Variants in SLA2 observed in about 807,000 individuals in gnomAD.
The protein encoded by SLA2 is Src like adaptor 2.
SLA2 carries 22 observed loss-of-function variants against 27.3 expected under a neutral mutation model. The ratio of observed to expected loss-of-function variants is 0.81; its 90% confidence interval spans 0.58 to 1.15. SLA2 has a LOEUF of 1.15. Ranked by LOEUF, SLA2 falls within the 50% of genes most tolerant of loss-of-function variation. SLA2 has a pLI of 0.00. For synonymous variants in SLA2, 131 were observed against 137.8 expected, an observed-to-expected ratio of 0.95 and a Z score of 0.34; for missense variants, 304 against 322.2, an observed-to-expected ratio of 0.94 and a Z score of 0.43.
At position 36,615,215 on chromosome 20, in the gene SLA2, A is replaced by G; in HGVS notation, c.532+10T>C. The G allele has an allele frequency of 6.2e-7, 1 of 1,614,084 alleles. No homozygotes were observed. The highest frequency in any genetic ancestry group is 8.5e-7 in the Non-Finnish European group (1 of 1,180,018). On this transcript the variant is annotated intron_variant, in intron 6 of 7. Coordinates refer to ENST00000262866, the MANE Select transcript of SLA2 (RefSeq NM_032214.4). ...CCCAGCCTAGTCCTGGAGGCAGGGAAAGGCCATACCAGAGTAATGGTCCAC... is the reference window on the plus strand; with the variant it reads ...CCCAGCCTAGTCCTGGAGGCAGGGAGAGGCCATACCAGAGTAATGGTCCAC...
Position 36,612,483 on chromosome 20 carries a change from C to T in SLA2, c.*1383G>A. ...TATGTGCGTGGTCCATAGCACAGTA[C>T]ATGCAGCATCTAATAAGAGTTTCCA... On this transcript the variant is annotated 3_prime_UTR_variant, in exon 8 of 8. Coordinates refer to ENST00000262866, the MANE Select transcript of SLA2 (RefSeq NM_032214.4). The T allele has an allele frequency of 1.9e-6, 1 of 521,308 alleles. No homozygotes were observed. The highest frequency in any genetic ancestry group is 3.5e-6 in the Non-Finnish European group (1 of 288,344). 32.3% of individuals were successfully genotyped at this position (521,308 alleles called of 1,614,324 possible).
intron 6 of SLA2, 155 bp downstream of exon 6, chr20:36,615,070 G>T: frequency 1.0e-6 from 1 of 985,428 alleles, no homozygotes; most frequent in Non-Finnish European, 1.2e-6. Flanking sequence ...CTCCCAGCCT[G>T]CATTTCTTGG....
chr20:36,623,093 A>AC (rs1014539069), intron 5 of SLA2, among the ~76,000 whole-genome samples: 2 of 151,928 alleles, frequency 1.3e-5, no homozygotes, highest in African/African-American at 4.8e-5. Flanking sequence ...ACATGGTGAA[A>AC]CCCCCATCTC....
At position 36,613,816 on chromosome 20, in the gene SLA2, G is replaced by T; in HGVS notation, c.*50C>A. The T allele has an allele frequency of 3.0e-6, 4 of 1,312,112 alleles. No individual in the cohort carries two copies. The highest frequency in any genetic ancestry group is 3.0e-6 in the Non-Finnish European group (3 of 994,186). The allele number at this position is 1,312,112 out of a possible 1,614,324, so 81.3% of individuals were successfully genotyped here. ...TCTGGGGTGCCCAGGAGGCTGAATT[G>T]GGGTTCTAGGTGTGCAGCCTTGGTT... On this transcript the variant is annotated 3_prime_UTR_variant, in exon 8 of 8. Coordinates refer to ENST00000262866, the MANE Select transcript of SLA2 (RefSeq NM_032214.4).
chr20:36,614,851 G>C (rs1180485176), intron 6 of SLA2: 1 of 985,300 alleles, frequency 1.0e-6, no homozygotes, highest in Non-Finnish European at 1.2e-6. Context: ...GCATCTTCCA[G>C]TGTCTGTTGA....
intron 5 of SLA2, among the ~76,000 whole-genome samples, chr20:36,629,249 C>G (rs112402055): frequency 0.031 from 4,702 of 151,604 alleles, 242 homozygotes; most frequent in African/African-American, 0.11. Flanking sequence ...ATTTTTAGTA[C>G]AGATGGGGTT....
intron 1 of SLA2, among the ~76,000 whole-genome samples, chr20:36,641,634 G>A (rs1323113081): frequency 2.0e-5 from 3 of 152,158 alleles, no homozygotes; most frequent in East Asian, 1.9e-4. Context: ...GGGTCCCTCC[G>A]ATGGGCAGTC....
chr20:36,612,763 A>G lies in SLA2; in HGVS notation c.*1103T>C, dbSNP rs191538269. 66 of 186,036 alleles carry G rather than the reference A, an allele frequency of 3.5e-4. No homozygotes were observed. The highest frequency in any genetic ancestry group is 3.3e-3 in the Admixed American group (62 of 18,814). 11.5% of individuals were successfully genotyped at this position (186,036 alleles called of 1,614,324 possible). A position where few individuals can be genotyped will look rare whatever the true frequency, so the allele number is the denominator to read the frequency against. The stretch of plus-strand genomic sequence containing the variant: ...TGTAGGCTGTGGTCTCCGTCTTGGC[A>G]TTGTGGAGAGAGGGCTTAGCACCTT... On this transcript the variant is annotated 3_prime_UTR_variant, in exon 8 of 8. Coordinates refer to ENST00000262866, the MANE Select transcript of SLA2 (RefSeq NM_032214.4).
Position 36,645,963 on chromosome 20 carries a change from T to C in SLA2, c.-170A>G, listed in dbSNP as rs1297216181. 1.3e-5 allele frequency: 2 copies of C among 152,282 alleles called. No homozygotes were observed. Among genetic ancestry groups the C allele is most frequent in the East Asian group, 1.9e-4 (1 of 5,198 alleles). The allele number at this position is 152,282 out of a possible 1,614,324, so 9.4% of individuals were successfully genotyped here. ...CTTGGTCCTAGGACACCCAGAACTC[T>C]CTCAGCCTGGGAGGATCTTCAGGGA... On this transcript the variant is annotated 5_prime_UTR_variant, in exon 1 of 8. Transcript: ENST00000262866.
At chr20:36,622,332 G>A (rs752542832) in intron 5 of SLA2, among the ~76,000 whole-genome samples, 2 of 149,882 alleles carry the variant, frequency 1.3e-5, no homozygotes, top group Non-Finnish European at 2.9e-5. Flanking sequence ...ACTCAGCCTG[G>A]GCAACAGAGC....
At position 36,615,474 on chromosome 20, in the gene SLA2, G is replaced by A. The variant is rs1018416511; in HGVS notation, c.383-100C>T. ...ATAGGCAACGTGACCATGGGGCCCC[G>A]GCAGAAGGGAAGTGTCTGGGGCAGA... is the stretch of plus-strand genomic sequence containing the variant. On this transcript the variant is annotated intron_variant, in intron 5 of 7. Transcript: ENST00000262866. 4.3e-5 allele frequency: 59 copies of A among 1,384,188 alleles called. No individual in the cohort carries two copies. The Admixed American group carries it at 8.2e-4, about 19-fold the overall frequency. 85.7% of individuals were successfully genotyped at this position (1,384,188 alleles called of 1,614,324 possible). A position where few individuals can be genotyped will look rare whatever the true frequency, so the allele number is the denominator to read the frequency against.
chr20:36,629,499 T>A (rs1353038532), intron 5 of SLA2, among the ~76,000 whole-genome samples: 1 of 144,422 alleles, frequency 6.9e-6, no homozygotes, highest in Non-Finnish European at 1.5e-5. Flanking sequence ...AATAGTCCGG[T>A]GCAGTGCCTT....
chr20:36,617,820 C>T (rs989733308), intron 5 of SLA2, among the ~76,000 whole-genome samples: 5 of 147,508 alleles, frequency 3.4e-5, no homozygotes, highest in Non-Finnish European at 6.0e-5. Flanking sequence ...TCAGCCACTG[C>T]ACTACAGCCC....
At chr20:36,636,908 G>A (rs1186723923) in intron 2 of SLA2, among the ~76,000 whole-genome samples, 3 of 150,904 alleles carry the variant, frequency 2.0e-5, no homozygotes, top group African/African-American at 4.9e-5. Context: ...CCAAGATGGC[G>A]CCATTGCACT....
At chr20:36,642,919 C>T (rs570733617) in intron 1 of SLA2, among the ~76,000 whole-genome samples, 15 of 152,234 alleles carry the variant, frequency 9.9e-5, no homozygotes, top group Middle Eastern at 3.4e-3. Flanking sequence ...TGCCATGTTG[C>T]CCAGGCTGTT....
rs776399343 is a variant in SLA2 at position 36,623,266 on chromosome 20, C to CAA, written c.383-7894_383-7893dup. Reference sequence around the variant, plus strand: ...TGGGTGACAGAGTGACATTACATCTCAAAAAAAAAAAAAAAAAAAAAAAAT... The same window carrying CAA: ...TGGGTGACAGAGTGACATTACATCTCAAAAAAAAAAAAAAAAAAAAAAAAAAT... On this transcript the variant is annotated intron_variant, in intron 5 of 7. Coordinates refer to ENST00000262866, the MANE Select transcript of SLA2 (RefSeq NM_032214.4). Among the ~76,000 whole-genome samples the CAA allele has an allele frequency of 7.4e-3, 377 of 50,984 alleles. 3 individuals are homozygous for CAA. Among genetic ancestry groups the CAA allele is most frequent in the Admixed American group, 0.013 (65 of 5,054 alleles). The allele number at this position is 50,984 out of a possible 152,430, so 33.4% of individuals were successfully genotyped here. A position where few individuals can be genotyped will look rare whatever the true frequency, so the allele number is the denominator to read the frequency against.
chr20:36,618,446 C>G (rs1416885935), intron 5 of SLA2, among the ~76,000 whole-genome samples: 1 of 151,742 alleles, frequency 6.6e-6, no homozygotes, highest in African/African-American at 2.4e-5. Flanking sequence ...CTATGTTGGC[C>G]AGGTTGGTCT....
chr20:36,641,422 C>T (rs2039505766), intron 1 of SLA2, 44 bp from the exon 2 acceptor site: 2 of 1,191,046 alleles, frequency 1.7e-6, no homozygotes, highest in Non-Finnish European at 1.2e-6. Context: ...GGCTTCTGGC[C>T]CAATCTCAGA....
At chr20:36,632,314 C>T (rs907579890) in intron 5 of SLA2, among the ~76,000 whole-genome samples, 16 of 152,132 alleles carry the variant, frequency 1.1e-4, no homozygotes, top group African/African-American at 3.6e-4. Flanking sequence ...CAGGTCCACT[C>T]CTCCAGGTCC....
Sources: allele counts gnomAD v4.1 joint callset (sites outside exome capture counted in the v4.1 genomes callset), GRCh38; gene constraint gnomAD v4.1.1; transcripts MANE v1.5; gene names NCBI Gene and HGNC (gene_info 2026-07-23, HGNC 2026-07-21).